The following CNTNAP2 variants were observed in gnomAD, a reference collection of about 807,000 sequenced individuals.
CNTNAP2 encodes contactin-associated protein-like 2.
A neutral mutation model predicts 155.2 loss-of-function variants in CNTNAP2; 98 were observed. The ratio of observed to expected loss-of-function variants is 0.63; its 90% CI spans 0.54 to 0.75. CNTNAP2 has a LOEUF of 0.75. Among genes scored for constraint, CNTNAP2 ranks in the 30% least tolerant of loss-of-function variants. CNTNAP2 has a pLI of 0.00. For synonymous variants in CNTNAP2, 651 were observed against 631.2 expected (o/e 1.03, Z -0.47); for missense variants, 1,727 against 1,688.1 (o/e 1.02, Z -0.40).
At chr7:147,153,571 G>A (rs1053225920) in intron 8 of CNTNAP2, among the ~76,000 whole-genome samples, 1 of 152,086 alleles carries the variant, frequency 6.6e-6, no homozygotes, top group Non-Finnish European at 1.5e-5. Flanking sequence ...TAAGGCCCAA[G>A]GATAGGAGCC....
chr7:146,275,977 A>G (rs1369606353), intron 1 of CNTNAP2, among the ~76,000 whole-genome samples: 2 of 152,182 alleles, frequency 1.3e-5, no homozygotes, highest in African/African-American at 2.4e-5. Context: ...GGCCGTGGAT[A>G]CTACCAAATA....
intron 12 of CNTNAP2, among the ~76,000 whole-genome samples, chr7:147,580,492 T>G (rs1181860896): frequency 2.0e-5 from 3 of 152,236 alleles, no homozygotes; most frequent in Non-Finnish European, 4.4e-5. Flanking sequence ...TTTTTTTTAA[T>G]TGGGTTCAGC....
intron 22 of CNTNAP2, among the ~76,000 whole-genome samples, chr7:148,402,078 C>CT (rs1799597263): frequency 6.6e-6 from 1 of 152,164 alleles, no homozygotes; most frequent in Non-Finnish European, 1.5e-5. Context: ...CCACTCAGTC[C>CT]TTTCATATAA....
At chr7:147,213,864 T>C (rs1803207907) in intron 8 of CNTNAP2, among the ~76,000 whole-genome samples, 2 of 152,064 alleles carry the variant, frequency 1.3e-5, no homozygotes, top group Non-Finnish European at 2.9e-5. Flanking sequence ...GGAGTGTCTG[T>C]GTAGAAGATC....
intron 13 of CNTNAP2, among the ~76,000 whole-genome samples, chr7:147,760,931 T>G (rs564705129): frequency 2.6e-5 from 4 of 152,184 alleles, no homozygotes; most frequent in Non-Finnish European, 4.4e-5. Context: ...AAAGGATCTT[T>G]GAACTGGGCT....
chr7:146,648,180 C>A (rs1799847669), intron 1 of CNTNAP2, among the ~76,000 whole-genome samples: 1 of 152,142 alleles, frequency 6.6e-6, no homozygotes, highest in African/African-American at 2.4e-5. Context: ...AAATGTAACC[C>A]TTAATACCTT....
At chr7:147,086,312 T>A (rs1460304417) in intron 4 of CNTNAP2, among the ~76,000 whole-genome samples, 1 of 152,126 alleles carries the variant, frequency 6.6e-6, no homozygotes, top group Non-Finnish European at 1.5e-5. Context: ...AGAAAATAGA[T>A]ACAGAGAAGC....
intron 3 of CNTNAP2, among the ~76,000 whole-genome samples, chr7:146,931,808 C>T (rs1418152849): frequency 6.6e-6 from 1 of 151,726 alleles, no homozygotes; most frequent in African/African-American, 2.4e-5. Context: ...ACTACAAACA[C>T]CTCTACGCAA....
chr7:147,438,206 G>A (rs566333238), intron 10 of CNTNAP2, among the ~76,000 whole-genome samples: 1 of 152,086 alleles, frequency 6.6e-6, no homozygotes, highest in South Asian at 2.1e-4. Flanking sequence ...CAGAGGAAAG[G>A]CTTTCAGTTT....
At chr7:146,139,126 T>C (rs1243770056) in intron 1 of CNTNAP2, among the ~76,000 whole-genome samples, 1 of 152,092 alleles carries the variant, frequency 6.6e-6, no homozygotes, top group African/African-American at 2.4e-5. Context: ...ACCCTCGTGA[T>C]TGCGTGGGTG....
intron 1 of CNTNAP2, among the ~76,000 whole-genome samples, chr7:146,293,231 TAA>T (rs1221794170): frequency 4.6e-5 from 7 of 152,322 alleles, no homozygotes; most frequent in Non-Finnish European, 8.8e-5. Context: ...TTAAAATTTA[TAA>T]TACCATGAAC....
At chr7:146,617,666 T>C (rs889378087) in intron 1 of CNTNAP2, among the ~76,000 whole-genome samples, 2 of 152,190 alleles carry the variant, frequency 1.3e-5, no homozygotes, top group African/African-American at 4.8e-5. Context: ...ATACATCAAA[T>C]GTTAGAAAAA....
At chr7:147,091,239 T>C (rs958609981) in intron 4 of CNTNAP2, among the ~76,000 whole-genome samples, 2 of 152,070 alleles carry the variant, frequency 1.3e-5, no homozygotes, top group African/African-American at 4.8e-5. Context: ...TCCTGATCTC[T>C]GGGCTCAGAG....
At position 147,956,045 on chromosome 7, in the gene CNTNAP2, T is replaced by A. The variant is rs148526789; in HGVS notation, c.2256-21817T>A. ...CTTTAAAAGAAAATTCCAGAATTTATAGCTTACTTAGCCTACTTAGCTACT... is the reference window on the plus strand; with the variant it reads ...CTTTAAAAGAAAATTCCAGAATTTAAAGCTTACTTAGCCTACTTAGCTACT... On this transcript the variant is annotated intron_variant, in intron 14 of 23. Transcript: ENST00000361727. Among the ~76,000 whole-genome samples the A allele has an allele frequency of 7.9e-5, 12 of 152,322 alleles. No homozygotes were observed. In the East Asian group the frequency reaches 2.3e-3, roughly 29 times the overall value.
chr7:148,153,459 T>G (rs572196692), intron 17 of CNTNAP2, among the ~76,000 whole-genome samples: 1 of 152,254 alleles, frequency 6.6e-6, no homozygotes, highest in Non-Finnish European at 1.5e-5. Flanking sequence ...TGCAGGAAAC[T>G]TTTCCCATTT....
rs73739590 is a variant in CNTNAP2, at chr7:146,235,892, C to T, written c.97+118919C>T. Among the ~76,000 whole-genome samples the T allele has an allele frequency of 4.0e-3, 609 of 151,900 alleles. 3 individuals carry two copies. The highest frequency in any genetic ancestry group is 0.014 in the African/African-American group (581 of 41,378). On this transcript the variant is annotated intron_variant, in intron 1 of 23. Transcript: ENST00000361727. ...ATTGATACATAGACTTGTCTTATAA[C>T]CAATTATGGACTTATATTAATTACC...
chr7:147,417,738 C>A (rs1268623999), intron 10 of CNTNAP2, among the ~76,000 whole-genome samples: 1 of 152,046 alleles, frequency 6.6e-6, no homozygotes, highest in African/African-American at 2.4e-5. Context: ...TTAAAAGCAA[C>A]ACCAAAATTT....
intron 3 of CNTNAP2, among the ~76,000 whole-genome samples, chr7:146,913,952 T>A (rs1796341961): frequency 6.6e-6 from 1 of 152,052 alleles, no homozygotes; most frequent in Admixed American, 6.6e-5. Flanking sequence ...AACATTCTTA[T>A]GCCTTTGCAT....
chr7:147,511,028 G>T (rs1457191226), intron 11 of CNTNAP2, among the ~76,000 whole-genome samples: 1 of 151,510 alleles, frequency 6.6e-6, no homozygotes, highest in East Asian at 1.9e-4. Context: ...TCATGAGTAA[G>T]TCAATACAAG....
Sources: gnomAD v4.1 joint callset for allele counts (sites outside exome capture counted in the v4.1 genomes callset) on GRCh38, gnomAD v4.1.1 for gene constraint, MANE v1.5 for transcripts, NCBI Gene and HGNC (gene_info 2026-07-23, HGNC 2026-07-21) for gene names.